CDYL: variants seen among roughly 807,000 people sequenced by gnomAD.
CDYL encodes the protein chromodomain Y-like protein.
A neutral mutation model predicts 47.3 loss-of-function variants in CDYL; 8 were observed. That is an observed-to-expected ratio of 0.17 (90% confidence interval 0.10 to 0.31). CDYL has a LOEUF of 0.31. CDYL is among the 10% of genes least tolerant of loss of function. The pLI, the probability that CDYL is intolerant of heterozygous loss-of-function variation, is 1.00. For missense variants in CDYL, 471 were observed against 701.4 expected, an observed-to-expected ratio of 0.67 and a Z score of 3.71; for synonymous variants, 266 against 265.0, an observed-to-expected ratio of 1.00 and a Z score of -0.04.
chr6:4,817,466 G>A (rs1159216422), intron 1 of CDYL, among the ~76,000 whole-genome samples: 3 of 151,812 alleles, frequency 2.0e-5, no homozygotes, highest in Non-Finnish European at 4.4e-5. Context: ...ATTCCCTTAC[G>A]AGCCACCACT....
intron 1 of CDYL, among the ~76,000 whole-genome samples, chr6:4,891,063 G>C (rs1344203767): frequency 2.0e-5 from 3 of 152,142 alleles, no homozygotes; most frequent in African/African-American, 7.2e-5. Context: ...AAAATGTATT[G>C]GTCATCCATT....
At chr6:4,941,483 C>T (rs775513870) in intron 4 of CDYL, among the ~76,000 whole-genome samples, 15 of 152,228 alleles carry the variant, frequency 9.9e-5, no homozygotes, top group Non-Finnish European at 1.3e-4. Context: ...GGCCAGTTCC[C>T]ATTCCCTGAA....
In CDYL at chr6:4,955,169, A is replaced by AGT. The variant is rs1758831106; in HGVS notation, c.*1115_*1116dup. On this transcript the variant is annotated 3_prime_UTR_variant, in exon 7 of 7. Coordinates refer to ENST00000397588, the MANE Select transcript of CDYL (RefSeq NM_004824.4). ...TACTGAGTTCAGTATGGTGTCCAAG[A>AGT]GTGCCCTGTGTGGATAGACATGTGC... 1 of 152,648 alleles carries AGT rather than the reference A, an allele frequency of 6.6e-6. No individual in the cohort carries two copies. Among genetic ancestry groups the AGT allele is most frequent in the South Asian group, 2.1e-4 (1 of 4,832 alleles). The allele number at this position is 152,648 out of a possible 1,614,324, so 9.5% of individuals were successfully genotyped here. A position where few individuals can be genotyped will look rare whatever the true frequency, so the allele number is the denominator to read the frequency against.
At chr6:4,915,867 C>T (rs1757541939) in intron 2 of CDYL, among the ~76,000 whole-genome samples, 1 of 152,202 alleles carries the variant, frequency 6.6e-6, no homozygotes, top group Non-Finnish European at 1.5e-5. Context: ...GAGACTTCGT[C>T]TGTACGGCAA....
intron 3 of CDYL, among the ~76,000 whole-genome samples, chr6:4,736,890 G>A (rs1757713428): frequency 6.6e-6 from 1 of 152,068 alleles, no homozygotes; most frequent in East Asian, 1.9e-4. Flanking sequence ...TTTGTTTATC[G>A]ATATAGTGGT....
At chr6:4,934,179 A>AG (rs1275087393) in intron 2 of CDYL, among the ~76,000 whole-genome samples, 1 of 152,134 alleles carries the variant, frequency 6.6e-6, no homozygotes, top group Non-Finnish European at 1.5e-5. Context: ...GATACTCTGG[A>AG]GGGGCCCCTG....
At chr6:4,902,490 G>A (rs1315759077) in intron 2 of CDYL, among the ~76,000 whole-genome samples, 1 of 152,014 alleles carries the variant, frequency 6.6e-6, no homozygotes, top group Non-Finnish European at 1.5e-5. Context: ...CGTTTGGGTG[G>A]CCCTCTGAAA....
intron 2 of CDYL, among the ~76,000 whole-genome samples, chr6:4,897,950 G>A (rs957001143): frequency 1.4e-4 from 22 of 151,858 alleles, no homozygotes; most frequent in African/African-American, 3.4e-4. Context: ...CCAGCTACTC[G>A]GGAGGCTGAG....
chr6:4,872,596 T>C (rs1383362611), intron 1 of CDYL, among the ~76,000 whole-genome samples: 1 of 152,082 alleles, frequency 6.6e-6, no homozygotes, highest in African/African-American at 2.4e-5. Context: ...GTCAGGCTGG[T>C]CTCAAACTCC....
chr6:4,920,965 C>T (rs1289503482), intron 2 of CDYL, among the ~76,000 whole-genome samples: 1 of 150,250 alleles, frequency 6.7e-6, no homozygotes, highest in African/African-American at 2.5e-5. Context: ...GTATGTGTGG[C>T]TTCTCAGTAA....
At chr6:4,831,908 T>C (rs1404758012) in intron 1 of CDYL, among the ~76,000 whole-genome samples, 1 of 151,926 alleles carries the variant, frequency 6.6e-6, no homozygotes, top group African/African-American at 2.4e-5. Flanking sequence ...ATGCTTGTGA[T>C]TTTTGTACAT....
At chr6:4,899,658 A>G (rs1044008004) in intron 2 of CDYL, among the ~76,000 whole-genome samples, 1 of 152,240 alleles carries the variant, frequency 6.6e-6, no homozygotes, top group Admixed American at 6.5e-5. Flanking sequence ...ACAGGAATTT[A>G]AGCCCTTTCA....
At chr6:4,751,218 T>A (rs1757984351) in intron 3 of CDYL, among the ~76,000 whole-genome samples, 1 of 152,180 alleles carries the variant, frequency 6.6e-6, no homozygotes, top group South Asian at 2.1e-4. Context: ...GGTAGAAATG[T>A]TGCTAAGAAT....
chr6:4,842,471 A>G (rs1760530615), intron 1 of CDYL, among the ~76,000 whole-genome samples: 1 of 151,932 alleles, frequency 6.6e-6, no homozygotes, highest in Non-Finnish European at 1.5e-5. Context: ...GTATATATTT[A>G]GGATTGTGAT....
At chr6:4,911,922 C>T in intron 2 of CDYL, among the ~76,000 whole-genome samples, 1 of 152,154 alleles carries the variant, frequency 6.6e-6, no homozygotes, top group East Asian at 1.9e-4. Context: ...TGAAACAACG[C>T]TGGGATAGTT....
intron 1 of CDYL, among the ~76,000 whole-genome samples, chr6:4,825,728 C>T (rs557752809): frequency 6.6e-6 from 1 of 151,994 alleles, no homozygotes; most frequent in South Asian, 2.1e-4. Context: ...TTGGTTTGCT[C>T]GAACAGCCAA....
At chr6:4,790,291 A>G (rs889527190) in intron 1 of CDYL, among the ~76,000 whole-genome samples, 2 of 152,230 alleles carry the variant, frequency 1.3e-5, no homozygotes, top group African/African-American at 2.4e-5. Context: ...GCAGTTAACA[A>G]TGGGACTTAA....
At chr6:4,906,699 A>G (rs1025804427) in intron 2 of CDYL, among the ~76,000 whole-genome samples, 1 of 152,234 alleles carries the variant, frequency 6.6e-6, no homozygotes, top group South Asian at 2.1e-4. Flanking sequence ...TTCTAAAACT[A>G]TGGCAGCTAT....
intron 1 of CDYL, among the ~76,000 whole-genome samples, chr6:4,819,114 C>T (rs1469364474): frequency 3.4e-5 from 4 of 116,046 alleles, no homozygotes; most frequent in Admixed American, 8.7e-5. Context: ...TTTTTAGGTT[C>T]GTTCTCTCTC....
Sources: gnomAD v4.1 joint callset for allele counts (sites outside exome capture counted in the v4.1 genomes callset) on GRCh38, gnomAD v4.1.1 for gene constraint, MANE v1.5 for transcripts, NCBI Gene and HGNC (gene_info 2026-07-23, HGNC 2026-07-21) for gene names.